The following AKT3 variants were observed in gnomAD, a reference collection of about 807,000 sequenced individuals.
The protein encoded by AKT3 is AKT serine/threonine kinase 3.
Under a neutral mutation model 65.3 loss-of-function variants are expected in AKT3, and 15 were observed. The ratio of observed to expected loss-of-function variants is 0.23; its 90% CI spans 0.15 to 0.35. AKT3 has a LOEUF of 0.35. AKT3 is among the 10% of genes least tolerant of loss of function. The probability of loss-of-function intolerance (pLI) is 1.00; values close to 1 mark genes in which losing one functional copy is unlikely to be tolerated. For synonymous variants in AKT3, 206 were observed against 183.8 expected (o/e 1.12, Z -0.98); for missense variants, 243 against 576.5 (o/e 0.42, Z 5.92).
chr1:243,714,807 A>AC (rs1194700717), intron 2 of AKT3, among the ~76,000 whole-genome samples: 4 of 152,312 alleles, frequency 2.6e-5, no homozygotes, highest in Admixed American at 2.0e-4. Context: ...CACTAATAGT[A>AC]CACTGGTTAT....
chr1:243,694,590 GTTTA>G (rs1684937779), intron 3 of AKT3, among the ~76,000 whole-genome samples: 1 of 151,012 alleles, frequency 6.6e-6, no homozygotes, highest in South Asian at 2.1e-4. Context: ...TAACCCTTTG[GTTTA>G]TTGTTTTATC....
chr1:243,794,516 A>T (rs1034798823), intron 2 of AKT3: 2 of 152,250 alleles, frequency 1.3e-5, no homozygotes, highest in Admixed American at 1.3e-4. Flanking sequence ...CAAAATTTGG[A>T]ACATATTCTT....
chr1:243,774,885 C>G (rs889943782), intron 2 of AKT3, among the ~76,000 whole-genome samples: 1 of 152,128 alleles, frequency 6.6e-6, no homozygotes, highest in African/African-American at 2.4e-5. Context: ...ATTATTGAGA[C>G]AGGGTCTTGC....
intron 6 of AKT3, chr1:243,625,087 G>T (rs916469044): frequency 8.3e-6 from 2 of 240,794 alleles, no homozygotes; most frequent in African/African-American, 4.7e-5. Flanking sequence ...AGAGACAGAA[G>T]TGAGGAGCTG....
At chr1:243,792,613 A>C (rs9428974) in intron 2 of AKT3, among the ~76,000 whole-genome samples, 7,705 of 152,202 alleles carry the variant, frequency 0.051, 673 homozygotes, top group African/African-American at 0.17. Context: ...TAGGAGTAGG[A>C]ATGCTTACAG....
At chr1:243,571,055 C>T (rs1674521724) in intron 9 of AKT3, among the ~76,000 whole-genome samples, 1 of 152,302 alleles carries the variant, frequency 6.6e-6, no homozygotes, top group Non-Finnish European at 1.5e-5. Context: ...CATGGTGGCT[C>T]ATGCCTGTAA....
At position 243,503,404 on chromosome 1, in the gene AKT3, A is replaced by AAT. The variant is rs1437885496; in HGVS notation, c.*1843_*1844dup. On this transcript the variant is annotated 3_prime_UTR_variant, in exon 14 of 14. Transcript: ENST00000673466. ...TAGAAAGTCACTTGCTCTTTCATAC[A>AAT]ATGCAATCATAATACTACGTCATGC... 4.3e-6 allele frequency: 1 copy of AAT among 233,422 alleles called. No homozygotes were observed. The highest frequency in any genetic ancestry group is 8.5e-6 in the Non-Finnish European group (1 of 117,984). 14.5% of individuals were successfully genotyped at this position (233,422 alleles called of 1,614,324 possible). A position where few individuals can be genotyped will look rare whatever the true frequency, so the allele number is the denominator to read the frequency against.
chr1:243,663,432 T>C (rs1043426231), intron 4 of AKT3, among the ~76,000 whole-genome samples: 35 of 57,366 alleles, frequency 6.1e-4, no homozygotes, highest in African/African-American at 2.0e-3. Flanking sequence ...GGATCAATGG[T>C]GGGGAGGGGA....
chr1:243,508,326 C>T (rs1450159987), intron 13 of AKT3, among the ~76,000 whole-genome samples: 3 of 152,244 alleles, frequency 2.0e-5, no homozygotes, highest in Non-Finnish European at 2.9e-5. Flanking sequence ...AGACAGGAAG[C>T]CCAGGGCCCC....
At chr1:243,506,678 G>A (rs2148348856) in intron 13 of AKT3, among the ~76,000 whole-genome samples, 1 of 152,306 alleles carries the variant, frequency 6.6e-6, no homozygotes, top group South Asian at 2.1e-4. Flanking sequence ...CTCGTATTAG[G>A]TGAGAACTGA....
Position 243,503,428 on chromosome 1 carries a change from G to A in AKT3, c.*1821C>T, listed in dbSNP as rs915805696. On this transcript the variant is annotated 3_prime_UTR_variant, in exon 14 of 14. Transcript: ENST00000673466. ...CAATGCAATCATAATACTACGTCAT[G>A]CTGTAGTCTTCCGTTTGGGAGCTGT... The A allele has an allele frequency of 3.9e-5, 9 of 233,376 alleles. No individual in the cohort carries two copies. The highest frequency in any genetic ancestry group is 2.0e-4 in the African/African-American group (9 of 45,296). The allele number at this position is 233,376 out of a possible 1,614,324, so 14.5% of individuals were successfully genotyped here.
At chr1:243,623,115 G>C (rs150490012) in intron 6 of AKT3, among the ~76,000 whole-genome samples, 189 of 152,186 alleles carry the variant, frequency 1.2e-3, no homozygotes, top group African/African-American at 4.3e-3. Context: ...GGAGATCTTG[G>C]GCCACATGGT....
chr1:243,843,492 T>A (rs1695373287), intron 1 of AKT3: 6 of 1,081,988 alleles, frequency 5.5e-6, no homozygotes, highest in Non-Finnish European at 5.7e-6. Flanking sequence ...AGTGAAACTT[T>A]TAACCTAAGA....
intron 6 of AKT3, among the ~76,000 whole-genome samples, chr1:243,631,036 T>C (rs1266573927): frequency 2.6e-5 from 4 of 152,074 alleles, no homozygotes; most frequent in East Asian, 1.9e-4. Flanking sequence ...AACAAAAGTA[T>C]TGCAATAAAA....
At chr1:243,792,396 A>G (rs1691687803) in intron 2 of AKT3, among the ~76,000 whole-genome samples, 1 of 152,196 alleles carries the variant, frequency 6.6e-6, no homozygotes, top group South Asian at 2.1e-4. Flanking sequence ...CTGCCCTCCC[A>G]GAGCTTCCAG....
intron 13 of AKT3, among the ~76,000 whole-genome samples, chr1:243,505,683 A>T (rs1187115636): frequency 2.0e-5 from 3 of 151,574 alleles, no homozygotes; most frequent in African/African-American, 4.8e-5. Flanking sequence ...CAAAACTGCA[A>T]GTCAGTGAAA....
At chr1:243,649,397 G>GTATATA (rs530604522) in intron 4 of AKT3, among the ~76,000 whole-genome samples, 1 of 150,056 alleles carries the variant, frequency 6.7e-6, no homozygotes, top group Admixed American at 6.7e-5. Context: ...TATGTTATGT[G>GTATATA]TATATATATA....
intron 3 of AKT3, among the ~76,000 whole-genome samples, chr1:243,689,213 TA>T (rs1684530136): frequency 6.6e-6 from 1 of 152,146 alleles, no homozygotes; most frequent in Admixed American, 6.6e-5. Context: ...CACTATCAGG[TA>T]TGGGTATAAT....
intron 3 of AKT3, among the ~76,000 whole-genome samples, chr1:243,686,960 C>T (rs866987246): frequency 1.3e-5 from 2 of 151,858 alleles, no homozygotes; most frequent in South Asian, 4.2e-4. Flanking sequence ...CCACACCACT[C>T]GGCTATATGA....
Sources: gnomAD v4.1 joint callset for allele counts (sites outside exome capture counted in the v4.1 genomes callset) on GRCh38, gnomAD v4.1.1 for gene constraint, MANE v1.5 for transcripts, NCBI Gene and HGNC (gene_info 2026-07-23, HGNC 2026-07-21) for gene names.